ROBO2: variants seen among roughly 807,000 people sequenced by gnomAD.
ROBO2 encodes roundabout homolog 2.
ROBO2 carries 53 observed loss-of-function variants against 160.8 expected under a neutral mutation model. The observed-to-expected ratio is 0.33, with a 90% CI of 0.26 to 0.41. ROBO2 has a LOEUF of 0.41. ROBO2 is among the 10% of genes least tolerant of loss of function. The pLI is 1.00. For synonymous variants in ROBO2, 664 were observed against 611.7 expected (o/e 1.09, Z -1.26); for missense variants, 1,577 against 1,722.4 (o/e 0.92, Z 1.49).
At chr3:76,715,177 A>C (rs1239378273) in intron 2 of ROBO2, among the ~76,000 whole-genome samples, 1 of 152,140 alleles carries the variant, frequency 6.6e-6, no homozygotes. Flanking sequence ...CCAAACCCAC[A>C]TTAATAGGTG....
intron 15 of ROBO2, among the ~76,000 whole-genome samples, chr3:77,578,449 T>A (rs1381265380): frequency 6.6e-6 from 1 of 152,086 alleles, no homozygotes; most frequent in African/African-American, 2.4e-5. Context: ...AATACAAAAC[T>A]AGACACCCAT....
rs866813401 is a variant in ROBO2, at chr3:76,619,106, C to T, written c.110-478908C>T. Among the ~76,000 whole-genome samples, 59 of 151,568 alleles carry T rather than the reference C, an allele frequency of 3.9e-4. 1 individual carries two copies. The highest frequency in any genetic ancestry group is 1.3e-3 in the African/African-American group (55 of 41,278). The stretch of plus-strand genomic sequence containing the variant: ...CTGTAATCCCAGCACTTTGGGAGGC[C>T]GAGGCGGGCGGATCACGAGGTCAGG... On this transcript the variant is annotated intron_variant, in intron 2 of 26. Transcript: ENST00000487694.
chr3:77,557,217 A>G (rs541914084), intron 8 of ROBO2, among the ~76,000 whole-genome samples: 29 of 152,128 alleles, frequency 1.9e-4, no homozygotes, highest in African/African-American at 5.3e-4. Flanking sequence ...ATCCAAATGA[A>G]CACAACAATT....
In ROBO2 at chr3:77,537,099, T is replaced by TA. The variant is rs1553650177; in HGVS notation, c.935-9239_935-9238insA. Among the ~76,000 whole-genome samples, 25 of 127,870 alleles carry TA rather than the reference T, an allele frequency of 2.0e-4. 1 individual carries two copies. Among genetic ancestry groups the TA allele is most frequent in the African/African-American group, 5.8e-4 (20 of 34,506 alleles). The allele number at this position is 127,870 out of a possible 152,430, so 83.9% of individuals were successfully genotyped here. Reference sequence around the variant, plus strand: ...TTTCATAAAACATATACATATTTTGTGGGGGGGGGGTGTATTACACTTACC... The same window carrying TA: ...TTTCATAAAACATATACATATTTTGTAGGGGGGGGGGTGTATTACACTTACC... On this transcript the variant is annotated intron_variant, in intron 6 of 25. Coordinates refer to ENST00000461745, the Ensembl canonical transcript of ROBO2.
chr3:77,230,522 A>G lies in ROBO2; in HGVS notation c.388+132182A>G, dbSNP rs886315263. ...TGCCAAAGGCAATGTGGGAAAAACA[A>G]TTAATTCCTTTTTGTTAGAATTGGA... On this transcript the variant is annotated intron_variant, in intron 2 of 25. Transcript: ENST00000461745. Among the ~76,000 whole-genome samples the G allele has an allele frequency of 4.6e-5, 7 of 152,244 alleles. No individual in the cohort carries two copies. In the South Asian group the frequency reaches 1.0e-3, roughly 22 times the overall value.
chr3:77,416,092 G>T (rs935123332), intron 2 of ROBO2, among the ~76,000 whole-genome samples: 2 of 152,166 alleles, frequency 1.3e-5, no homozygotes, highest in African/African-American at 2.4e-5. Flanking sequence ...AGTGGACAAG[G>T]CAGGGAAGAA....
At chr3:77,108,592 T>C (rs1010164301) in intron 2 of ROBO2, among the ~76,000 whole-genome samples, 1 of 151,950 alleles carries the variant, frequency 6.6e-6, no homozygotes, top group Non-Finnish European at 1.5e-5. Flanking sequence ...GGAGTCTGAG[T>C]CGCCTCAGGT....
chr3:76,139,673 A>G (rs1332702955), intron 2 of ROBO2, among the ~76,000 whole-genome samples: 1 of 152,048 alleles, frequency 6.6e-6, no homozygotes, highest in African/African-American at 2.4e-5. Context: ...GTGAAGTAAA[A>G]AGCAGTTATA....
chr3:77,455,718 C>T (rs1321980980), intron 2 of ROBO2, among the ~76,000 whole-genome samples: 1 of 147,370 alleles, frequency 6.8e-6, no homozygotes, highest in Admixed American at 6.7e-5. Context: ...GCGTGAGCCA[C>T]CGCGCCCGGC....
At chr3:76,210,821 T>A (rs184773548) in intron 2 of ROBO2, among the ~76,000 whole-genome samples, 1 of 152,242 alleles carries the variant, frequency 6.6e-6, no homozygotes, top group Non-Finnish European at 1.5e-5. Context: ...AGGATTCTTA[T>A]TTATCGACAT....
intron 2 of ROBO2, among the ~76,000 whole-genome samples, chr3:76,652,345 G>GT (rs2091293191): frequency 6.6e-6 from 1 of 152,124 alleles, no homozygotes; most frequent in South Asian, 2.1e-4. Flanking sequence ...TGACAAGATG[G>GT]TTAGTTGGTA....
chr3:75,933,066 CAA>C (rs1365827244), intron 1 of ROBO2, among the ~76,000 whole-genome samples: 1 of 152,066 alleles, frequency 6.6e-6, no homozygotes, highest in Non-Finnish European at 1.5e-5. Flanking sequence ...TTACTAAGGT[CAA>C]AAAGACTCCT....
chr3:76,660,622 T>G (rs533899199), intron 2 of ROBO2, among the ~76,000 whole-genome samples: 47 of 152,314 alleles, frequency 3.1e-4, no homozygotes, highest in African/African-American at 1.1e-3. Context: ...TCACATGTAT[T>G]GTCAATAAAT....
intron 1 of ROBO2, among the ~76,000 whole-genome samples, chr3:77,096,971 A>G (rs573168985): frequency 6.6e-6 from 1 of 152,242 alleles, no homozygotes; most frequent in South Asian, 2.1e-4. Flanking sequence ...GTAAATCACA[A>G]CTGTCTTCGT....
intron 2 of ROBO2, among the ~76,000 whole-genome samples, chr3:76,212,557 T>C (rs144777558): frequency 0.026 from 3,987 of 152,190 alleles, 47 homozygotes; most frequent in Middle Eastern, 0.045. Flanking sequence ...TGTTAGTTTG[T>C]TTCTAAATGC....
chr3:77,465,881 GT>G (rs1003572125), intron 2 of ROBO2, among the ~76,000 whole-genome samples: 55 of 152,122 alleles, frequency 3.6e-4, no homozygotes, highest in African/African-American at 1.3e-3. Context: ...TGTAATATGA[GT>G]TTTCTGAGAT....
chr3:77,595,980 A>T (rs1350554157), intron 18 of ROBO2, among the ~76,000 whole-genome samples: 1 of 152,148 alleles, frequency 6.6e-6, no homozygotes, highest in Non-Finnish European at 1.5e-5. Flanking sequence ...GTTCTTTACT[A>T]AATATGACGT....
At chr3:77,318,254 G>C (rs1282826216) in intron 2 of ROBO2, among the ~76,000 whole-genome samples, 2 of 152,008 alleles carry the variant, frequency 1.3e-5, no homozygotes, top group African/African-American at 2.4e-5. Flanking sequence ...GGCTGGTCTT[G>C]AACTGCTGAC....
intron 2 of ROBO2, among the ~76,000 whole-genome samples, chr3:76,882,324 G>A (rs2073434485): frequency 6.6e-6 from 1 of 152,012 alleles, no homozygotes; most frequent in Non-Finnish European, 1.5e-5. Context: ...CAATCTCTTA[G>A]TGTCACATTC....
Sources: allele counts gnomAD v4.1 joint callset (sites outside exome capture counted in the v4.1 genomes callset), GRCh38; gene constraint gnomAD v4.1.1; transcripts MANE v1.5; gene names NCBI Gene and HGNC (gene_info 2026-07-23, HGNC 2026-07-21).